Variants in ZNF385D observed in about 807,000 individuals in gnomAD.
The protein encoded by ZNF385D is zinc finger protein 385D.
ZNF385D carries 15 observed loss-of-function variants against 35.8 expected under a neutral mutation model. The ratio of observed to expected loss-of-function variants is 0.42; its 90% CI spans 0.28 to 0.64. The LOEUF is 0.64. ZNF385D is among the 30% of genes least tolerant of loss of function. The pLI is 0.23. For synonymous variants in ZNF385D, 212 were observed against 186.8 expected (o/e 1.13, Z -1.10); for missense variants, 474 against 494.6 (o/e 0.96, Z 0.39).
chr3:21,721,784 C>T (rs1170051705), intron 1 of ZNF385D, among the ~76,000 whole-genome samples: 1 of 152,118 alleles, frequency 6.6e-6, no homozygotes, highest in African/African-American at 2.4e-5. Flanking sequence ...TAAGTCAGAA[C>T]TGTAACAGTA....
intron 3 of ZNF385D, among the ~76,000 whole-genome samples, chr3:21,921,120 G>A (rs1390706869): frequency 6.6e-6 from 1 of 151,138 alleles, no homozygotes; most frequent in Non-Finnish European, 1.5e-5. Flanking sequence ...CTACTCGGGA[G>A]GCTGAGGCAG....
intron 4 of ZNF385D, among the ~76,000 whole-genome samples, chr3:21,496,465 CAT>C (rs1219584873): frequency 1.0e-3 from 79 of 75,242 alleles, no homozygotes; most frequent in African/African-American, 3.8e-3. Flanking sequence ...ATATATATAT[CAT>C]ATATATACAT....
intron 3 of ZNF385D, among the ~76,000 whole-genome samples, chr3:21,993,253 G>A (rs1434062653): frequency 6.6e-6 from 1 of 152,108 alleles, no homozygotes; most frequent in East Asian, 1.9e-4. Flanking sequence ...TTAACAGAAT[G>A]TTACAAAACT....
In ZNF385D at chr3:22,074,147, G is replaced by C. The variant is rs1576270614; in HGVS notation, c.325+94670C>G. 2.6e-5 allele frequency among the ~76,000 whole-genome samples: 4 copies of C among 151,920 alleles called. No individual in the cohort carries two copies. The South Asian group carries it at 8.3e-4, about 32-fold the overall frequency. ...CCTGTAAGATGAAGACATCTAGAGG[G>C]AACTTCCCAAAGGGTTTTACAGAAA... On this transcript the variant is annotated intron_variant, in intron 3 of 5. Coordinates refer to the ZNF385D transcript ENST00000494108.
chr3:22,244,364 T>TAAAAAAAAAAAA (rs34497539), intron 2 of ZNF385D, among the ~76,000 whole-genome samples: 20 of 62,562 alleles, frequency 3.2e-4, no homozygotes, highest in African/African-American at 5.2e-4. Flanking sequence ...CAACCGAATG[T>TAAAAAAAAAAAA]AAAAAAAAAA....
chr3:22,246,672 T>C (rs1699799614), intron 2 of ZNF385D, among the ~76,000 whole-genome samples: 2 of 152,190 alleles, frequency 1.3e-5, no homozygotes, highest in Non-Finnish European at 2.9e-5. Flanking sequence ...TCTGTTTTTC[T>C]AATCTATGAT....
chr3:22,034,188 G>C (rs1410101690), intron 3 of ZNF385D, among the ~76,000 whole-genome samples: 1 of 152,178 alleles, frequency 6.6e-6, no homozygotes, highest in Non-Finnish European at 1.5e-5. Context: ...GACTTTGGGA[G>C]ATTAGAATTA....
intron 3 of ZNF385D, among the ~76,000 whole-genome samples, chr3:22,049,181 A>C (rs1699191626): frequency 6.6e-6 from 1 of 152,156 alleles, no homozygotes; most frequent in Admixed American, 6.5e-5. Context: ...CCTGTAATCC[A>C]GCTACTCAGA....
intron 1 of ZNF385D, among the ~76,000 whole-genome samples, chr3:21,737,488 CAT>C (rs1309491900): frequency 1.3e-5 from 2 of 150,712 alleles, no homozygotes; most frequent in East Asian, 3.9e-4. Context: ...CACACACACA[CAT>C]ACACATAAGA....
chr3:21,808,950 G>C (rs2072777642), intron 3 of ZNF385D, among the ~76,000 whole-genome samples: 1 of 152,122 alleles, frequency 6.6e-6, no homozygotes, highest in African/African-American at 2.4e-5. Flanking sequence ...AGTTCTCGAA[G>C]GGCAACCAGG....
upstream of ZNF385D, among the ~76,000 whole-genome samples, chr3:21,754,439 T>C (rs2070246988): frequency 6.6e-6 from 1 of 152,164 alleles, no homozygotes; most frequent in South Asian, 2.1e-4. Flanking sequence ...GATAAAATTA[T>C]ACCTAGCACT....
chr3:21,746,675 G>C (rs778190579), intron 1 of ZNF385D, among the ~76,000 whole-genome samples: 1 of 152,202 alleles, frequency 6.6e-6, no homozygotes, highest in Non-Finnish European at 1.5e-5. Context: ...CGGGGAGATA[G>C]AAACAGTGGC....
At chr3:22,148,617 A>G (rs1705017302) in intron 3 of ZNF385D, among the ~76,000 whole-genome samples, 1 of 152,166 alleles carries the variant, frequency 6.6e-6, no homozygotes, top group African/African-American at 2.4e-5. Flanking sequence ...AAATAGCGTG[A>G]CAAGTTTACT....
chr3:21,793,416 G>T (rs1347610945), intron 3 of ZNF385D, among the ~76,000 whole-genome samples: 1 of 152,216 alleles, frequency 6.6e-6, no homozygotes, highest in Non-Finnish European at 1.5e-5. Context: ...AAGAACAACA[G>T]ATCCTTTGTA....
intron 2 of ZNF385D, among the ~76,000 whole-genome samples, chr3:22,315,138 G>A (rs1167522348): frequency 3.3e-5 from 5 of 152,128 alleles, no homozygotes. Flanking sequence ...AGAGACAAAG[G>A]AAAGGAGAAA....
intron 2 of ZNF385D, among the ~76,000 whole-genome samples, chr3:22,221,149 C>G (rs1698231622): frequency 6.6e-6 from 1 of 151,722 alleles, no homozygotes; most frequent in South Asian, 2.1e-4. Flanking sequence ...ATCTATTTAC[C>G]TATCTATATA....
chr3:21,601,862 C>G (rs2064300466), intron 2 of ZNF385D, among the ~76,000 whole-genome samples: 1 of 152,150 alleles, frequency 6.6e-6, no homozygotes, highest in African/African-American at 2.4e-5. Context: ...CTACATGTCT[C>G]CAACTGGAGC....
chr3:22,042,639 A>T (rs1010417591), intron 3 of ZNF385D, among the ~76,000 whole-genome samples: 19 of 152,084 alleles, frequency 1.2e-4, no homozygotes, highest in Non-Finnish European at 2.8e-4. Context: ...AAGCCCATAA[A>T]ACACCCATTG....
chr3:22,209,894 T>A (rs2125258455), intron 2 of ZNF385D, among the ~76,000 whole-genome samples: 1 of 151,952 alleles, frequency 6.6e-6, no homozygotes, highest in East Asian at 1.9e-4. Context: ...GCATAAATAT[T>A]AATTCTGGAA....
Sources: allele counts gnomAD v4.1 joint callset (sites outside exome capture counted in the v4.1 genomes callset), GRCh38; gene constraint gnomAD v4.1.1; transcripts MANE v1.5; gene names NCBI Gene and HGNC (gene_info 2026-07-23, HGNC 2026-07-21).